DYSF: variants seen among roughly 807,000 people sequenced by gnomAD.
DYSF encodes dysferlin.
A neutral mutation model predicts 274.9 loss-of-function variants in DYSF; 212 were observed. The observed-to-expected ratio is 0.77, with a 90% CI of 0.69 to 0.86. The LOEUF (loss-of-function observed/expected upper bound fraction) is 0.86. Ranked by LOEUF, DYSF falls within the 40% of genes least tolerant of loss-of-function variation. The pLI, the probability that DYSF is intolerant of heterozygous loss-of-function variation, is 0.00. For missense variants in DYSF, 2,666 were observed against 2,783.2 expected (o/e 0.96, Z 0.95); for synonymous variants, 1,091 against 1,078.7 (o/e 1.01, Z -0.22).
At chr2:71,478,943 C>T (rs929793333) in intron 1 of DYSF, among the ~76,000 whole-genome samples, 2 of 151,988 alleles carry the variant, frequency 1.3e-5, no homozygotes, top group South Asian at 2.1e-4. Context: ...CCTGGCAGGG[C>T]GGGGCCGACC....
chr2:71,577,325 C>T (rs1344305117), intron 30 of DYSF, among the ~76,000 whole-genome samples: 1 of 151,564 alleles, frequency 6.6e-6, no homozygotes, highest in Non-Finnish European at 1.5e-5. Context: ...CCAACACAGT[C>T]TCTCTCCACA....
At chr2:71,500,849 C>T (rs115715386) in intron 3 of DYSF, among the ~76,000 whole-genome samples, 3,761 of 152,078 alleles carry the variant, frequency 0.025, 159 homozygotes, top group African/African-American at 0.084. Flanking sequence ...ACCTAGATAC[C>T]CGGGTCCTGG....
At chr2:71,656,042 TCTCTCTTTATTCA>T in intron 42 of DYSF, 107 bp from the exon 43 acceptor site, 1 of 1,294,172 alleles carries the variant, frequency 7.7e-7, no homozygotes, top group South Asian at 1.2e-5. Context: ...CTCTTCCTTC[TCTCTCTTTATTCA>T]CTCTCACACT....
intron 13 of DYSF, among the ~76,000 whole-genome samples, chr2:71,527,865 C>A (rs1015314324): frequency 6.6e-5 from 10 of 151,458 alleles, no homozygotes; most frequent in Non-Finnish European, 1.3e-4. Context: ...AAAAAAAAAA[C>A]AACAGAATTG....
chr2:71,669,874 C>T, intron 51 of DYSF, 128 bp downstream of exon 51: 27 of 1,256,944 alleles, frequency 2.1e-5, no homozygotes, highest in Non-Finnish European at 3.1e-5. Context: ...GGAGCTACCA[C>T]TGCCATCTCC....
chr2:71,675,920 C>T (rs2095214505), intron 52 of DYSF, among the ~76,000 whole-genome samples: 1 of 152,012 alleles, frequency 6.6e-6, no homozygotes, highest in African/African-American at 2.4e-5. Context: ...TTCTATTACA[C>T]AGACTGTTTT....
intron 30 of DYSF, among the ~76,000 whole-genome samples, chr2:71,585,941 G>A (rs575887990): frequency 1.3e-5 from 2 of 152,264 alleles, no homozygotes; most frequent in Non-Finnish European, 2.9e-5. Flanking sequence ...AGAAACGTCA[G>A]GGGACACATG....
At chr2:71,501,696 G>A (rs60023054) in intron 3 of DYSF, among the ~76,000 whole-genome samples, 3,675 of 152,276 alleles carry the variant, frequency 0.024, 153 homozygotes, top group African/African-American at 0.082. Context: ...TTTGCGGAAT[G>A]TCTCCAAGGT....
chr2:71,662,715 ATG>A (rs1173077400), intron 45 of DYSF, among the ~76,000 whole-genome samples: 2 of 139,558 alleles, frequency 1.4e-5, no homozygotes. Context: ...TGTTGTATGT[ATG>A]TGTGTGTATG....
At chr2:71,469,524 T>C (rs1176406264) in intron 1 of DYSF, among the ~76,000 whole-genome samples, 2 of 152,202 alleles carry the variant, frequency 1.3e-5, no homozygotes, top group East Asian at 3.8e-4. Context: ...GAAGCCAGCC[T>C]GCACTGTGTG....
chr2:71,667,068 A>G (rs1160729929), intron 47 of DYSF, among the ~76,000 whole-genome samples: 1 of 152,226 alleles, frequency 6.6e-6, no homozygotes, highest in African/African-American at 2.4e-5. Context: ...TTCCTGGAAG[A>G]AGTAGGCTTT....
Position 71,528,385 on chromosome 2 carries a change from G to T in DYSF, c.1364G>T (p.Ser455Ile). 6.2e-7 allele frequency: 1 copy of T among 1,614,094 alleles called. No homozygotes were observed. The highest frequency in any genetic ancestry group is 8.5e-7 in the Non-Finnish European group (1 of 1,179,968). The change falls in exon 14 of 56, where the codon AGC (serine) becomes ATC (isoleucine). Residue 455 changes from serine (S) to isoleucine (I), a missense_variant. By Grantham distance (142) the Ser-to-Ile change is moderately radical. This residue lies in a region of DYSF where 794 missense variants were observed against 777.1 expected (regional missense o/e 1.02). Coordinates refer to ENST00000410020, the MANE Select transcript of DYSF (RefSeq NM_001130987.2). ...TTGGTGGACCCCTTTGTGGAGGTCA[G>T]CTTTGCGGGGAAAATGGTAAGGAGC... ...KNLVDPFVEV[S>I]FAGKMLCSKI...
intron 52 of DYSF, among the ~76,000 whole-genome samples, chr2:71,676,018 A>T (rs1178650312): frequency 2.6e-5 from 4 of 152,056 alleles, no homozygotes; most frequent in African/African-American, 7.2e-5. Flanking sequence ...CCATCATCAC[A>T]CTTAATGCCT....
intron 13 of DYSF, 79 bp downstream of exon 13, chr2:71,526,425 C>CTTTGGGGGGGG: frequency 2.8e-6 from 1 of 360,046 alleles, no homozygotes; most frequent in Non-Finnish European, 5.2e-6. Context: ...CGATGGCGGG[C>CTTTGGGGGGGG]GGGGTCAGCT....
intron 41 of DYSF, among the ~76,000 whole-genome samples, chr2:71,624,068 CAACA>C (rs147422984): frequency 0.45 from 68,782 of 151,658 alleles, 15,621 homozygotes; most frequent in East Asian, 0.48. Context: ...GACCTTGTTG[CAACA>C]AACAACCTCA....
intron 22 of DYSF, among the ~76,000 whole-genome samples, chr2:71,560,083 G>A (rs914617021): frequency 1.3e-5 from 2 of 152,210 alleles, no homozygotes; most frequent in African/African-American, 4.8e-5. Flanking sequence ...CCCTGGCTTT[G>A]CTTAGGGCTG....
chr2:71,621,906 G>A (rs1041322172), intron 41 of DYSF, among the ~76,000 whole-genome samples: 3 of 151,874 alleles, frequency 2.0e-5, no homozygotes, highest in African/African-American at 4.8e-5. Context: ...TGATCTGCCC[G>A]CCTCGGCCTC....
At chr2:71,462,339 C>G (rs2081318368), upstream of DYSF, among the ~76,000 whole-genome samples, 1 of 152,194 alleles carries the variant, frequency 6.6e-6, no homozygotes, top group South Asian at 2.1e-4. Context: ...TCCACTGTGG[C>G]TACTGGGGAA....
chr2:71,514,530 C>A (rs1330350800), intron 7 of DYSF, among the ~76,000 whole-genome samples: 4 of 152,024 alleles, frequency 2.6e-5, no homozygotes, highest in Non-Finnish European at 4.4e-5. Context: ...ACATTTTTAT[C>A]CAAAAATCCA....
Sources: allele counts gnomAD v4.1 joint callset (sites outside exome capture counted in the v4.1 genomes callset), GRCh38; gene constraint gnomAD v4.1.1; regional missense constraint gnomAD v4.1.1; transcripts MANE v1.5; gene names NCBI Gene and HGNC (gene_info 2026-07-23, HGNC 2026-07-21).